The following ABCA13 variants were observed in gnomAD, a reference collection of about 807,000 sequenced individuals.
The protein encoded by ABCA13 is ATP binding cassette subfamily A member 13.
A neutral mutation model predicts 478.7 loss-of-function variants in ABCA13; 476 were observed. The ratio of observed to expected loss-of-function variants is 0.99; its 90% CI spans 0.92 to 1.07. The LOEUF (loss-of-function observed/expected upper bound fraction) is 1.07. ABCA13 is among the 50% of genes least tolerant of loss of function. The pLI is 0.00. For missense variants in ABCA13, 6,060 were observed against 5,910.6 expected (o/e 1.03, Z -0.83); for synonymous variants, 2,252 against 2,158.9 (o/e 1.04, Z -1.20).
At chr7:48,435,633 A>G (rs1177204142) in intron 42 of ABCA13, among the ~76,000 whole-genome samples, 1 of 151,696 alleles carries the variant, frequency 6.6e-6, no homozygotes, top group Non-Finnish European at 1.5e-5. Context: ...AATATTGAGT[A>G]CAATATTGGG....
chr7:48,516,510 A>G (rs1249739544), intron 51 of ABCA13, among the ~76,000 whole-genome samples: 1 of 152,138 alleles, frequency 6.6e-6, no homozygotes. Flanking sequence ...GTTCTATTTT[A>G]TACTACTCAT....
At chr7:48,503,946 A>G (rs1275309767) in intron 48 of ABCA13, among the ~76,000 whole-genome samples, 1 of 152,206 alleles carries the variant, frequency 6.6e-6, no homozygotes, top group Non-Finnish European at 1.5e-5. Context: ...TCATTTTGTA[A>G]TGTATACATA....
At position 48,411,938 on chromosome 7, in the gene ABCA13, C is replaced by G. The variant is rs1441260336; in HGVS notation, c.12229-415C>G. 2.0e-5 allele frequency among the ~76,000 whole-genome samples: 3 copies of G among 152,272 alleles called. No homozygotes were observed. The East Asian group carries it at 5.8e-4, about 30-fold the overall frequency. The stretch of plus-strand genomic sequence containing the variant: ...TGAATGTCATTATCCCCAGGTGGCT[C>G]CTTTCTTCTTTGGCTGAGAATTCTT... On this transcript the variant is annotated intron_variant, in intron 40 of 61. Coordinates refer to ENST00000435803, the MANE Select transcript of ABCA13 (RefSeq NM_152701.5).
intron 58 of ABCA13, among the ~76,000 whole-genome samples, chr7:48,597,844 T>G (rs1790456357): frequency 6.6e-6 from 1 of 152,198 alleles, no homozygotes; most frequent in African/African-American, 2.4e-5. Context: ...GGTACAGAAA[T>G]TTTTTAAATC....
At chr7:48,256,814 C>A (rs1793462341) in intron 15 of ABCA13, among the ~76,000 whole-genome samples, 1 of 152,078 alleles carries the variant, frequency 6.6e-6, no homozygotes, top group South Asian at 2.1e-4. Flanking sequence ...TTTTTGATTC[C>A]ATATGAATTT....
chr7:48,416,455 CCTCACTGCA>C (rs370936658), intron 41 of ABCA13, among the ~76,000 whole-genome samples: 209 of 152,256 alleles, frequency 1.4e-3, no homozygotes, highest in African/African-American at 4.9e-3. Flanking sequence ...CATGGTGCTC[CCTCACTGCA>C]CTCACTGCAG....
intron 32 of ABCA13, among the ~76,000 whole-genome samples, chr7:48,368,780 C>T (rs1161469967): frequency 1.4e-5 from 2 of 140,312 alleles, no homozygotes; most frequent in African/African-American, 5.4e-5. Context: ...TACATATACA[C>T]ACACACACAC....
intron 20 of ABCA13, among the ~76,000 whole-genome samples, chr7:48,293,232 C>T (rs1260111476): frequency 6.9e-6 from 1 of 144,986 alleles, no homozygotes; most frequent in Non-Finnish European, 1.5e-5. Flanking sequence ...TACCTCAGCT[C>T]TGCTGGGGGG....
chr7:48,455,033 G>T lies in ABCA13; in HGVS notation c.12566-4G>T. On this transcript the variant is annotated splice_region_variant and splice_polypyrimidine_tract_variant and intron_variant, in intron 42 of 61. Transcript: ENST00000435803. ...AGCCGCCCTTCCTCCCGCCCGTCCT[G>T]CAGGTGGCTCCCTAGCACGGCCCGC... 6.7e-7 allele frequency: 1 copy of T among 1,498,588 alleles called. No individual in the cohort carries two copies. Among genetic ancestry groups the T allele is most frequent in the Non-Finnish European group, 8.9e-7 (1 of 1,124,618 alleles). The allele number at this position is 1,498,588 out of a possible 1,614,324, so 92.8% of individuals were successfully genotyped here. A position where few individuals can be genotyped will look rare whatever the true frequency, so the allele number is the denominator to read the frequency against.
chr7:48,182,083 A>G (rs1795773132), intron 1 of ABCA13, among the ~76,000 whole-genome samples: 1 of 152,110 alleles, frequency 6.6e-6, no homozygotes, highest in Admixed American at 6.5e-5. Flanking sequence ...AGCTTTCCAT[A>G]GAGTACCTGC....
chr7:48,450,580 T>C (rs901610228), intron 42 of ABCA13, among the ~76,000 whole-genome samples: 1 of 152,242 alleles, frequency 6.6e-6, no homozygotes, highest in African/African-American at 2.4e-5. Context: ...TATAGTTTAA[T>C]ATTAGTAGTT....
intron 18 of ABCA13, among the ~76,000 whole-genome samples, chr7:48,280,924 C>G (rs1796944671): frequency 6.6e-6 from 1 of 152,162 alleles, no homozygotes; most frequent in Non-Finnish European, 1.5e-5. Context: ...TCTGAATTGT[C>G]TTTTGAGCTG....
At chr7:48,345,265 G>A (rs1173864353) in intron 29 of ABCA13, among the ~76,000 whole-genome samples, 4 of 152,170 alleles carry the variant, frequency 2.6e-5, no homozygotes, top group Non-Finnish European at 5.9e-5. Context: ...ATTGGTGTAT[G>A]TGTTTAATTC....
chr7:48,546,118 C>A (rs1487151446), intron 55 of ABCA13, among the ~76,000 whole-genome samples: 1 of 151,804 alleles, frequency 6.6e-6, no homozygotes, highest in African/African-American at 2.4e-5. Context: ...TGGCAGGTCA[C>A]CACAAAGTAA....
At chr7:48,526,985 A>G (rs1209590067) in intron 54 of ABCA13, among the ~76,000 whole-genome samples, 2 of 152,140 alleles carry the variant, frequency 1.3e-5, no homozygotes, top group East Asian at 1.9e-4. Context: ...TCATTTTTGT[A>G]TATATTAAAG....
In ABCA13 at chr7:48,297,312, G is replaced by GT; in HGVS notation, c.9199+2dup. The GT allele has an allele frequency of 6.2e-7, 1 of 1,603,818 alleles. No individual in the cohort carries two copies. Among genetic ancestry groups the GT allele is most frequent in the Non-Finnish European group, 8.5e-7 (1 of 1,174,714 alleles). On this transcript the variant is annotated splice_donor_variant, in intron 22 of 61. Coordinates refer to ENST00000435803, the MANE Select transcript of ABCA13 (RefSeq NM_152701.5). LOFTEE classifies it high-confidence loss of function. ...CTCAGCAATTTCACAGTAACTGAGG[G>GT]TAAGTATGTGGTTTTCCAAGTTTGC...
chr7:48,275,092 C>G lies in ABCA13; in HGVS notation c.5426C>G (p.Pro1809Arg). 10 of 1,613,228 alleles carry G rather than the reference C, an allele frequency of 6.2e-6. No individual in the cohort carries two copies. The highest frequency in any genetic ancestry group is 8.5e-6 in the Non-Finnish European group (10 of 1,179,524). The stretch of plus-strand genomic sequence containing the variant: ...ACAATTGAATTAGTATCAGATAAGC[C>G]AGATATTATTTCAGAGGCTTTAGCT... Reference protein sequence around the residue: ...LDTIELVSDKPDIISEALACF... With the variant: ...LDTIELVSDKRDIISEALACF... Residue 1809 changes from proline (P) to arginine (R), a missense_variant, in exon 17 of 62, where the codon CCA becomes CGA. Physicochemically the swap from Pro to Arg is moderately radical, Grantham distance 103 (BLOSUM62 -2). Around this residue, in one of 3 missense-constraint regions of ABCA13, gnomAD observed 4,423 missense variants for 4,309.1 expected, o/e 1.03. Coordinates refer to ENST00000435803, the MANE Select transcript of ABCA13 (RefSeq NM_152701.5).
intron 42 of ABCA13, among the ~76,000 whole-genome samples, chr7:48,434,396 T>A (rs913117665): frequency 1.3e-5 from 2 of 151,922 alleles, no homozygotes; most frequent in Non-Finnish European, 1.5e-5. Flanking sequence ...AAGTTCGTTG[T>A]TTTCTGGATA....
intron 8 of ABCA13, chr7:48,234,374 G>A (rs1465835523): frequency 1.7e-6 from 1 of 596,084 alleles, no homozygotes; most frequent in Non-Finnish European, 3.0e-6. Flanking sequence ...GAATGGAAAG[G>A]CAGCTTAGAA....
Sources: allele counts gnomAD v4.1 joint callset (sites outside exome capture counted in the v4.1 genomes callset), GRCh38; gene constraint gnomAD v4.1.1; regional missense constraint gnomAD v4.1.1; transcripts MANE v1.5; gene names NCBI Gene and HGNC (gene_info 2026-07-23, HGNC 2026-07-21).